The following AFDN variants were observed in gnomAD, a reference collection of about 807,000 sequenced individuals.
AFDN encodes afadin, adherens junction formation factor, also known as afadin.
A neutral mutation model predicts 216.6 loss-of-function variants in AFDN; 68 were observed. The observed-to-expected ratio is 0.31, with a 90% CI of 0.26 to 0.38. The LOEUF is 0.38. Among genes scored for constraint, AFDN ranks in the 10% least tolerant of loss-of-function variants. The pLI, the probability that AFDN is intolerant of heterozygous loss-of-function variation, is 1.00. For synonymous variants in AFDN, 868 were observed against 853.7 expected (o/e 1.02, Z -0.29); for missense variants, 2,136 against 2,342.0 (o/e 0.91, Z 1.82).
chr6:167,910,528 G>C (rs111481628), intron 13 of AFDN, among the ~76,000 whole-genome samples: 1 of 152,190 alleles, frequency 6.6e-6, no homozygotes, highest in Non-Finnish European at 1.5e-5. Context: ...TTATGTGACC[G>C]TAAGAAGAAA....
In AFDN at chr6:167,864,684, G is replaced by A. The variant is rs1207093075; in HGVS notation, c.239G>A (p.Arg80Gln). Residue 80 changes from arginine to glutamine, a missense_variant, in exon 2 of 34, where the codon CGA becomes CAA. Physicochemically the swap from Arg to Gln is conservative, Grantham distance 43. Around this residue, in one of 8 missense-constraint regions of AFDN, gnomAD observed 817 missense variants for 965.7 expected, o/e 0.85. Transcript: ENST00000683244. ...DVIETLAEKF[R>Q]PDMRMLSSPK... The stretch of plus-strand genomic sequence containing the variant: ...ATCGAAACGCTCGCGGAGAAATTTC[G>A]ACCTGATATGCGAATGCTGTCCTCT... The A allele has an allele frequency of 2.5e-6, 4 of 1,614,014 alleles. No homozygotes were observed. The highest frequency in any genetic ancestry group is 2.2e-5 in the East Asian group (1 of 44,892).
In AFDN at chr6:167,962,484, C is replaced by A; in HGVS notation, c.4885C>A (p.Arg1629=). 6.2e-7 allele frequency: 1 copy of A among 1,613,550 alleles called. No homozygotes were observed. The highest frequency in any genetic ancestry group is 8.5e-7 in the Non-Finnish European group (1 of 1,179,682). The part of the protein sequence containing the change: ...RQQQLEEMRK[R]EAEDRARQEE... ...GCAGCAGTTAGAAGAGATGCGCAAG[C>A]GGGAAGCGGAAGACCGAGCGAGGCA... The change falls in exon 31 of 34, where the codon CGG becomes AGG. Residue 1629 remains arginine (R), a synonymous_variant. Coordinates refer to ENST00000683244, the MANE Select transcript of AFDN (RefSeq NM_001386888.1). This position sits in a 1 kb window ranked among gnomAD's most constrained non-coding sequence, Gnocchi z 5.2.
At chr6:167,870,565 T>C in intron 3 of AFDN, 67 bp downstream of exon 3, 1 of 867,972 alleles carries the variant, frequency 1.2e-6, no homozygotes, top group Non-Finnish European at 1.8e-6. Context: ...AACAGGAGAC[T>C]GATGTTTTGT....
chr6:167,917,868 A>G (rs1791290919), intron 20 of AFDN, among the ~76,000 whole-genome samples: 1 of 152,226 alleles, frequency 6.6e-6, no homozygotes, highest in Non-Finnish European at 1.5e-5. Flanking sequence ...ATTTAAAGAA[A>G]TATGTGAGAA....
At chr6:167,861,438 C>A (rs111525513) in intron 1 of AFDN, among the ~76,000 whole-genome samples, 3,973 of 152,282 alleles carry the variant, frequency 0.026, 80 homozygotes, top group Middle Eastern at 0.082. Context: ...ATGCTACTGC[C>A]TGATGAGGAC....
chr6:167,947,325 G>A (rs567396700), intron 27 of AFDN, among the ~76,000 whole-genome samples: 2 of 151,978 alleles, frequency 1.3e-5, no homozygotes, highest in Non-Finnish European at 2.9e-5. Flanking sequence ...GACTATGGGC[G>A]CCCACCACCA....
At chr6:167,842,739 A>G (rs1246706587) in intron 1 of AFDN, among the ~76,000 whole-genome samples, 1 of 152,192 alleles carries the variant, frequency 6.6e-6, no homozygotes, top group Non-Finnish European at 1.5e-5. Flanking sequence ...GAAGTAATCT[A>G]GGTGATGATT....
intron 6 of AFDN, among the ~76,000 whole-genome samples, chr6:167,887,218 A>G (rs568252660): frequency 5.4e-4 from 82 of 152,212 alleles, no homozygotes; most frequent in Non-Finnish European, 1.1e-3. Flanking sequence ...GAAAATGAGA[A>G]AGTGAAAGAG....
chr6:167,856,565 CTT>C (rs1438784209), intron 1 of AFDN, among the ~76,000 whole-genome samples: 1 of 152,186 alleles, frequency 6.6e-6, no homozygotes, highest in South Asian at 2.1e-4. Context: ...GTAATTCACT[CTT>C]TTATAGAAAG....
intron 30 of AFDN, among the ~76,000 whole-genome samples, chr6:167,959,273 A>G (rs1157101566): frequency 6.6e-6 from 1 of 152,230 alleles, no homozygotes; most frequent in Admixed American, 6.5e-5. Context: ...GCTAGCACTT[A>G]CTGAGGACCA....
intron 19 of AFDN, 93 bp from the exon 20 acceptor site, chr6:167,916,996 C>A: frequency 8.7e-7 from 1 of 1,143,486 alleles, no homozygotes. Flanking sequence ...GTTAAATTAG[C>A]AAGTTATATT....
chr6:167,866,116 CT>C (rs1366815524), intron 2 of AFDN, among the ~76,000 whole-genome samples: 1 of 151,734 alleles, frequency 6.6e-6, no homozygotes, highest in Non-Finnish European at 1.5e-5. Context: ...TCACTTCCAC[CT>C]TTTTTTTCTT....
At chr6:167,877,910 G>A (rs142810135) in intron 5 of AFDN, among the ~76,000 whole-genome samples, 1,686 of 152,120 alleles carry the variant, frequency 0.011, 38 homozygotes, top group African/African-American at 0.039. Flanking sequence ...AGCTGATCAG[G>A]CATCACAATT....
intron 30 of AFDN, chr6:167,952,440 A>G: frequency 1.0e-6 from 1 of 985,382 alleles, no homozygotes; most frequent in Non-Finnish European, 1.2e-6. Flanking sequence ...TGTTTTCATT[A>G]GCAAACTCAT....
At chr6:167,897,423 C>T (rs796403791) in intron 10 of AFDN, among the ~76,000 whole-genome samples, 80 of 152,260 alleles carry the variant, frequency 5.3e-4, no homozygotes, top group African/African-American at 1.8e-3. Context: ...CAGAATTTGT[C>T]ACTTCTTTGA....
chr6:167,901,467 T>C (rs1234141555), intron 11 of AFDN, among the ~76,000 whole-genome samples: 1 of 152,216 alleles, frequency 6.6e-6, no homozygotes, highest in Non-Finnish European at 1.5e-5. Flanking sequence ...GTGACATATT[T>C]AGAAATTTTG....
At chr6:167,914,363 T>A in intron 17 of AFDN, 50 bp downstream of exon 17, 2 of 1,579,506 alleles carry the variant, frequency 1.3e-6, no homozygotes, top group Non-Finnish European at 1.7e-6. Context: ...ATTAAGTCAT[T>A]TGTTTTCTTA....
At chr6:167,868,981 G>A (rs1356275863) in intron 2 of AFDN, among the ~76,000 whole-genome samples, 2 of 150,436 alleles carry the variant, frequency 1.3e-5, no homozygotes, top group East Asian at 2.0e-4. Context: ...TTGCCATGTT[G>A]CCCAGGCTGG....
chr6:167,968,209 C>A (rs910477410), intron 32 of AFDN, among the ~76,000 whole-genome samples: 1 of 152,116 alleles, frequency 6.6e-6, no homozygotes, highest in Non-Finnish European at 1.5e-5. Flanking sequence ...TGTCTCCATG[C>A]GGTAATTTAT....
Sources: gnomAD v4.1 joint callset for allele counts (sites outside exome capture counted in the v4.1 genomes callset) on GRCh38, gnomAD v4.1.1 for gene constraint, gnomAD v4.1.1 regional missense constraint, Gnocchi (gnomAD v3.1) non-coding constraint, MANE v1.5 for transcripts, NCBI Gene and HGNC (gene_info 2026-07-23, HGNC 2026-07-21) for gene names.